MDGA1: variants seen among roughly 807,000 people sequenced by gnomAD.
MDGA1 encodes MAM domain-containing glycosylphosphatidylinositol anchor protein 1.
MDGA1 carries 54 observed loss-of-function variants against 101.5 expected under a neutral mutation model. The ratio of observed to expected loss-of-function variants is 0.53; its 90% CI spans 0.43 to 0.67. The LOEUF (loss-of-function observed/expected upper bound fraction) is 0.67, where lower values mean the gene tolerates loss of function less well. Among genes scored for constraint, MDGA1 ranks in the 30% least tolerant of loss-of-function variants. The pLI, the probability that MDGA1 is intolerant of heterozygous loss-of-function variation, is 0.00. For missense variants in MDGA1, 1,083 were observed against 1,323.8 expected, an observed-to-expected ratio of 0.82 and a Z score of 2.82; for synonymous variants, 533 against 558.3, an observed-to-expected ratio of 0.95 and a Z score of 0.64.
chr6:37,689,222 C>T (rs1762258976), intron 1 of MDGA1, among the ~76,000 whole-genome samples: 1 of 152,330 alleles, frequency 6.6e-6, no homozygotes, highest in South Asian at 2.1e-4. Context: ...TGGCCTCAGC[C>T]CAATCCCTTC....
At chr6:37,666,245 A>G in intron 1 of MDGA1, among the ~76,000 whole-genome samples, 1 of 151,472 alleles carries the variant, frequency 6.6e-6, no homozygotes, top group East Asian at 1.9e-4. Context: ...CTGTAATCCC[A>G]GCTACTCAGG....
rs1451202069 is a variant in MDGA1, at chr6:37,643,857, T to C, written c.2488A>G (p.Lys830Glu). The C allele has an allele frequency of 6.2e-7, 1 of 1,613,924 alleles. No individual in the cohort carries two copies. The highest frequency in any genetic ancestry group is 1.7e-5 in the Admixed American group (1 of 60,014). Residue 830 changes from lysine to glutamate, a missense_variant, in exon 14 of 17, where the codon AAG becomes GAG. Lys to Glu is a moderately conservative substitution (Grantham distance 56, BLOSUM62 1). Transcript: ENST00000434837. The part of the protein sequence containing the change: ...LVSPLYNASA[K>E]FYCVSFFYHM... Reference sequence around the variant, plus strand: ...TAGAAGAAGGAGACACAGTAGAACTTGGCGCTGGCATTGTAGAGGGGACTC... The same window carrying C: ...TAGAAGAAGGAGACACAGTAGAACTCGGCGCTGGCATTGTAGAGGGGACTC...
chr6:37,645,801 C>T, intron 12 of MDGA1, 132 bp downstream of exon 12: 4 of 1,072,276 alleles, frequency 3.7e-6, no homozygotes, highest in South Asian at 2.8e-5. Flanking sequence ...TCTGGCCCTA[C>T]CCCATGGAAA....
At chr6:37,658,200 G>A (rs372301469) in intron 3 of MDGA1, 45 bp downstream of exon 3, 76 of 1,508,368 alleles carry the variant, frequency 5.0e-5, no homozygotes, top group Non-Finnish European at 6.6e-5. Context: ...CCTCTGGCCC[G>A]GGCTGGGCTG....
At chr6:37,685,335 C>T (rs1222090292) in intron 1 of MDGA1, among the ~76,000 whole-genome samples, 4 of 152,010 alleles carry the variant, frequency 2.6e-5, no homozygotes, top group Non-Finnish European at 4.4e-5. Context: ...CGTCTCAGGG[C>T]CGAGGAGTTA....
At chr6:37,676,930 C>T (rs1279636773) in intron 1 of MDGA1, among the ~76,000 whole-genome samples, 1 of 149,042 alleles carries the variant, frequency 6.7e-6, no homozygotes, top group Non-Finnish European at 1.5e-5. Flanking sequence ...GGAAAAGCAA[C>T]CAAACCTGCA....
intron 1 of MDGA1, among the ~76,000 whole-genome samples, chr6:37,689,841 G>GC (rs932522011): frequency 6.6e-6 from 1 of 152,100 alleles, no homozygotes; most frequent in African/African-American, 2.4e-5. Flanking sequence ...CTTGTGTCTT[G>GC]CCTTTTGCAA....
At position 37,637,479 on chromosome 6, in the gene MDGA1, G is replaced by A; in HGVS notation, c.2777-20C>T. ...CCACCACTGCAACAGGGGAGAAAGA[G>A]GAGACAGGCCAGGGCTCTGGTCAGC... On this transcript the variant is annotated intron_variant, in intron 16 of 16. Coordinates refer to ENST00000434837, the MANE Select transcript of MDGA1 (RefSeq NM_153487.4). The A allele has an allele frequency of 1.2e-6, 2 of 1,608,270 alleles. No individual in the cohort carries two copies. The highest frequency in any genetic ancestry group is 2.2e-5 in the East Asian group (1 of 44,780).
chr6:37,676,724 C>G (rs1013087609), intron 1 of MDGA1, among the ~76,000 whole-genome samples: 2 of 152,038 alleles, frequency 1.3e-5, no homozygotes, highest in African/African-American at 2.4e-5. Context: ...ATGGTGAAAC[C>G]CCAACTCTAC....
In MDGA1 at chr6:37,654,470, A is replaced by G. The variant is rs1280444296; in HGVS notation, c.786T>C (p.Cys262=). Residue 262 remains cysteine (C), a synonymous_variant, in exon 6 of 17, where the codon TGT becomes TGC. Coordinates refer to ENST00000434837, the MANE Select transcript of MDGA1 (RefSeq NM_153487.4). Reference sequence around the variant, plus strand: ...GGAGGGGATCACCGCCTGTCAGCAGACACTGCACCGTCACATTCTCCCCAG... The same window carrying G: ...GGAGGGGATCACCGCCTGTCAGCAGGCACTGCACCGTCACATTCTCCCCAG... The part of the protein sequence containing the change: ...VNPGENVTVQ[C]LLTGGDPLPQ... 6.2e-7 allele frequency: 1 copy of G among 1,614,040 alleles called. No individual in the cohort carries two copies. Among genetic ancestry groups the G allele is most frequent in the Admixed American group, 1.7e-5 (1 of 60,026 alleles).
chr6:37,663,960 G>C lies in MDGA1; in HGVS notation c.207+7C>G. 6.2e-7 allele frequency: 1 copy of C among 1,613,738 alleles called. No individual in the cohort carries two copies. The highest frequency in any genetic ancestry group is 8.5e-7 in the Non-Finnish European group (1 of 1,179,756). On this transcript the variant is annotated splice_region_variant and intron_variant, in intron 2 of 16. Coordinates refer to ENST00000434837, the MANE Select transcript of MDGA1 (RefSeq NM_153487.4). ...GGGGCCTGAGCAAGGCTGGGCTGGG[G>C]GCTTACCTGGGGTCGAGGGTGCCCT... is the stretch of plus-strand genomic sequence containing the variant.
chr6:37,643,968 AACAGCCCCCAAG>A, intron 13 of MDGA1, 25 bp from the exon 14 acceptor site: 1 of 1,611,946 alleles, frequency 6.2e-7, no homozygotes, highest in Non-Finnish European at 8.5e-7. Flanking sequence ...GAGATGCGCC[AACAGCCCCCAAG>A]ACAGCCAGGC....
At chr6:37,640,056 CAG>C (rs1764027231) in intron 14 of MDGA1, among the ~76,000 whole-genome samples, 1 of 152,142 alleles carries the variant, frequency 6.6e-6, no homozygotes, top group Non-Finnish European at 1.5e-5. Flanking sequence ...TACCGCAGAG[CAG>C]AGAGTGGTCT....
In MDGA1 at chr6:37,645,994, G is replaced by C. The variant is rs1292632854; in HGVS notation, c.2225-38C>G. On this transcript the variant is annotated intron_variant, in intron 11 of 16. Transcript: ENST00000434837. ...GCGGGGAAACCAAGTCAGAACTGAG[G>C]TGTGGGGCTCTGCAGAGGATACCCT... 1.9e-6 allele frequency: 3 copies of C among 1,613,920 alleles called. No homozygotes were observed. In the Admixed American group the frequency reaches 5.0e-5, roughly 27 times the overall value.
rs553686732 is a variant in MDGA1, at chr6:37,638,766, C to G, written c.2537-99G>C. The G allele has an allele frequency of 3.8e-5, 56 of 1,482,214 alleles. No individual in the cohort carries two copies. The highest frequency in any genetic ancestry group is 4.8e-5 in the Non-Finnish European group (53 of 1,101,722). 91.8% of individuals were successfully genotyped at this position (1,482,214 alleles called of 1,614,324 possible). A position where few individuals can be genotyped will look rare whatever the true frequency, so the allele number is the denominator to read the frequency against. On this transcript the variant is annotated intron_variant, in intron 14 of 16. Coordinates refer to ENST00000434837, the MANE Select transcript of MDGA1 (RefSeq NM_153487.4). The surrounding 1 kb of genome is among the most constrained non-coding windows in gnomAD (Gnocchi z 4.8). ...CTCTTCTCCCACCATAGCCTGCAGC[C>G]CTGTCCCTGTTGACAGGACCTCCTC...
chr6:37,696,844 G>A lies in MDGA1; in HGVS notation c.-33C>T, dbSNP rs1374156833. ...GCCGGTGCTTCATCCCCGCGAGGCG[G>A]CGCAGCCCGAGAGGCGGCGGGGGGC... On this transcript the variant is annotated 5_prime_UTR_variant, in exon 1 of 17. Coordinates refer to ENST00000434837, the MANE Select transcript of MDGA1 (RefSeq NM_153487.4). This position sits in a 1 kb window ranked among gnomAD's most constrained non-coding sequence, Gnocchi z 5.6. 1.3e-6 allele frequency: 2 copies of A among 1,550,340 alleles called. No homozygotes were observed. Among genetic ancestry groups the A allele is most frequent in the East Asian group, 4.8e-5 (2 of 41,288 alleles).
chr6:37,688,405 G>A (rs1209783985), intron 1 of MDGA1, among the ~76,000 whole-genome samples: 1 of 152,110 alleles, frequency 6.6e-6, no homozygotes, highest in Admixed American at 6.5e-5. Context: ...AATGTATCTC[G>A]GCTGAGTTTC....
rs1763812765 is a variant in MDGA1 at position 37,630,877 on chromosome 6, G to A, written c.*6491C>T. The A allele has an allele frequency of 6.6e-6, 1 of 152,136 alleles. No individual in the cohort carries two copies. The highest frequency in any genetic ancestry group is 2.4e-5 in the African/African-American group (1 of 41,372). The allele number at this position is 152,136 out of a possible 1,614,324, so 9.4% of individuals were successfully genotyped here. On this transcript the variant is annotated 3_prime_UTR_variant, in exon 17 of 17. Coordinates refer to ENST00000434837, the MANE Select transcript of MDGA1 (RefSeq NM_153487.4). The stretch of plus-strand genomic sequence containing the variant: ...TCAGCCAGAGCCCCTCCAGCATGAC[G>A]GTCTCAGAGCAACTCAGAGGACATC...
chr6:37,657,911 GTCT>G (rs781708914), intron 3 of MDGA1, among the ~76,000 whole-genome samples: 5 of 151,996 alleles, frequency 3.3e-5, no homozygotes, highest in Non-Finnish European at 7.4e-5. Flanking sequence ...AGAGATCTGT[GTCT>G]TCCTCTCAGC....
Sources: gnomAD v4.1 joint callset for allele counts (sites outside exome capture counted in the v4.1 genomes callset) on GRCh38, gnomAD v4.1.1 for gene constraint, Gnocchi (gnomAD v3.1) non-coding constraint, MANE v1.5 for transcripts, NCBI Gene and HGNC (gene_info 2026-07-23, HGNC 2026-07-21) for gene names.